The following SWT1 variants were observed in gnomAD, a reference collection of about 807,000 sequenced individuals.
The protein encoded by SWT1 is SWT1 RNA endoribonuclease homolog.
SWT1 carries 33 observed loss-of-function variants against 107.3 expected under a neutral mutation model. The observed-to-expected ratio is 0.31, with a 90% CI of 0.23 to 0.41. The LOEUF is 0.41. SWT1 is among the 10% of genes least tolerant of loss of function. SWT1 has a pLI of 1.00. For synonymous variants in SWT1, 345 were observed against 348.3 expected, an observed-to-expected ratio of 0.99 and a Z score of 0.11; for missense variants, 898 against 1,028.9, an observed-to-expected ratio of 0.87 and a Z score of 1.74.
chr1:185,249,969 C>T (rs538170550), intron 16 of SWT1, among the ~76,000 whole-genome samples: 10 of 152,202 alleles, frequency 6.6e-5, no homozygotes, highest in South Asian at 2.1e-4. Context: ...AGTGGTAGTA[C>T]TTTTACCAGA....
intron 14 of SWT1, among the ~76,000 whole-genome samples, chr1:185,221,436 A>G (rs74923177): frequency 0.011 from 1,738 of 151,898 alleles, 26 homozygotes; most frequent in African/African-American, 0.04. Flanking sequence ...TTTAAATTAT[A>G]TCTTGATTTT....
chr1:185,272,329 C>T (rs915895045), intron 17 of SWT1, among the ~76,000 whole-genome samples: 3 of 152,132 alleles, frequency 2.0e-5, no homozygotes, highest in African/African-American at 7.2e-5. Flanking sequence ...GTTTATGTTT[C>T]CTGTAATAGT....
intron 5 of SWT1, 93 bp downstream of exon 5, chr1:185,175,206 T>G: frequency 1.9e-6 from 2 of 1,076,172 alleles, no homozygotes; most frequent in Non-Finnish European, 2.5e-6. Flanking sequence ...TTTTCTGTTT[T>G]TTTTTTTTTT....
At chr1:185,184,485 A>G (rs775752374) in intron 8 of SWT1, 141 bp downstream of exon 8, 255 of 631,408 alleles carry the variant, frequency 4.0e-4, no homozygotes, top group Non-Finnish European at 6.0e-4. Context: ...TTATAAGTTT[A>G]TAAAAGCCTT....
intron 16 of SWT1, among the ~76,000 whole-genome samples, chr1:185,233,538 T>C (rs1013116252): frequency 6.6e-6 from 1 of 152,182 alleles, no homozygotes; most frequent in African/African-American, 2.4e-5. Flanking sequence ...ATATCTTTAT[T>C]TCTGCCTTCA....
chr1:185,255,924 G>C (rs1453044924), intron 16 of SWT1, among the ~76,000 whole-genome samples: 1 of 151,774 alleles, frequency 6.6e-6, no homozygotes, highest in Non-Finnish European at 1.5e-5. Context: ...GGTACCGGTT[G>C]TTCGTTTCCA....
chr1:185,266,286 G>A lies in SWT1; in HGVS notation c.2442-5037G>A, dbSNP rs954575464. On this transcript the variant is annotated intron_variant, in intron 16 of 18. Coordinates refer to ENST00000367500, the MANE Select transcript of SWT1 (RefSeq NM_017673.7). ...TCACCGTGTTAGCCAGGATGGTCTCGATCTCCTGACCTCGTGATCTGCCCG... is the reference window on the plus strand; with the variant it reads ...TCACCGTGTTAGCCAGGATGGTCTCAATCTCCTGACCTCGTGATCTGCCCG... Among the ~76,000 whole-genome samples, 10 of 152,144 alleles carry A rather than the reference G, an allele frequency of 6.6e-5. No individual in the cohort carries two copies. In the East Asian group the frequency reaches 9.6e-4, roughly 15 times the overall value.
At chr1:185,263,029 C>G (rs1287153985) in intron 16 of SWT1, among the ~76,000 whole-genome samples, 3 of 152,032 alleles carry the variant, frequency 2.0e-5, no homozygotes, top group Non-Finnish European at 4.4e-5. Context: ...TCAAGTGATT[C>G]ACCCGCCTCA....
chr1:185,251,861 G>C (rs1156875179), intron 16 of SWT1, among the ~76,000 whole-genome samples: 1 of 151,736 alleles, frequency 6.6e-6, no homozygotes, highest in Non-Finnish European at 1.5e-5. Context: ...AGTTACATAT[G>C]TATACATGTG....
chr1:185,174,592 A>G lies in SWT1; in HGVS notation c.445A>G (p.Lys149Glu), dbSNP rs752865732. 6.2e-7 allele frequency: 1 copy of G among 1,607,648 alleles called. No homozygotes were observed. The highest frequency in any genetic ancestry group is 8.5e-7 in the Non-Finnish European group (1 of 1,178,446). Residue 149 changes from lysine (K) to glutamate (E), a missense_variant, in exon 5 of 19, where the codon AAA (lysine) becomes GAA (glutamate). Around this residue, in one of 6 missense-constraint regions of SWT1, gnomAD observed 382 missense variants for 362.4 expected, o/e 1.05. Coordinates refer to ENST00000367500, the MANE Select transcript of SWT1 (RefSeq NM_017673.7). ...NAGSKLDHGI[K>E]SLSSPKIASD... ...TGGGAGCAAGCTTGACCATGGAATTAAAAGCCTTAGTAGTCCTAAGATTGC... is the reference window on the plus strand; with the variant it reads ...TGGGAGCAAGCTTGACCATGGAATTGAAAGCCTTAGTAGTCCTAAGATTGC...
intron 16 of SWT1, among the ~76,000 whole-genome samples, chr1:185,269,064 G>A (rs1183085937): frequency 6.6e-6 from 1 of 152,082 alleles, no homozygotes; most frequent in East Asian, 1.9e-4. Flanking sequence ...GTGTTAGCCA[G>A]GATGGTCTCG....
chr1:185,228,064 C>G lies in SWT1; in HGVS notation c.2310-3513C>G, dbSNP rs972515999. Among the ~76,000 whole-genome samples the G allele has an allele frequency of 3.3e-5, 5 of 151,332 alleles. 1 individual carries two copies. The highest frequency in any genetic ancestry group is 1.2e-4 in the African/African-American group (5 of 41,096). On this transcript the variant is annotated intron_variant, in intron 15 of 18. Transcript: ENST00000367500. ...TGTAATTATGCCATTGCACTCCAGC[C>G]TGGGTGACAGAGTGAGACCCTATCT...
chr1:185,176,545 T>G, intron 5 of SWT1: 1 of 975,258 alleles, frequency 1.0e-6, no homozygotes, highest in African/African-American at 1.8e-5. Flanking sequence ...CTCTATAATT[T>G]TGTTTCTATG....
At chr1:185,282,470 A>G (rs913569286) in intron 18 of SWT1, among the ~76,000 whole-genome samples, 4 of 152,066 alleles carry the variant, frequency 2.6e-5, no homozygotes, top group African/African-American at 9.7e-5. Context: ...CAGAGAAGGC[A>G]TGGAAGCTCC....
chr1:185,202,643 C>G lies in SWT1; in HGVS notation c.1524-11C>G. On this transcript the variant is annotated splice_polypyrimidine_tract_variant and intron_variant, in intron 10 of 18. Coordinates refer to ENST00000367500, the MANE Select transcript of SWT1 (RefSeq NM_017673.7). ...TATTTTTTCCTCCTAATCCCAACCT[C>G]CCAACCTTAGGGATGATAGAAACTT... 4.4e-6 allele frequency: 7 copies of G among 1,601,128 alleles called. No homozygotes were observed. Among genetic ancestry groups the G allele is most frequent in the Non-Finnish European group, 6.0e-6 (7 of 1,174,856 alleles).
intron 10 of SWT1, among the ~76,000 whole-genome samples, chr1:185,198,597 T>G (rs1397400671): frequency 6.6e-6 from 1 of 152,158 alleles, no homozygotes; most frequent in Non-Finnish European, 1.5e-5. Context: ...AGAACTTGCT[T>G]TATGAATCTG....
At chr1:185,233,379 T>C (rs969680981) in intron 16 of SWT1, among the ~76,000 whole-genome samples, 3 of 152,240 alleles carry the variant, frequency 2.0e-5, no homozygotes, top group Non-Finnish European at 4.4e-5. Flanking sequence ...TCTACTTCTT[T>C]TAATTGTGAT....
At chr1:185,270,148 C>T (rs1421856974) in intron 16 of SWT1, among the ~76,000 whole-genome samples, 1 of 152,110 alleles carries the variant, frequency 6.6e-6, no homozygotes, top group Non-Finnish European at 1.5e-5. Flanking sequence ...GTTATCCTAA[C>T]TTAACAGATA....
rs1664258997 is a variant in SWT1, at chr1:185,276,646, T to A, written c.2551T>A (p.Cys851Ser). Residue 851 changes from cysteine (C) to serine (S), a missense_variant, in exon 18 of 19, where the codon TGT becomes AGT. Cys to Ser is a moderately radical substitution (Grantham distance 112). Coordinates refer to ENST00000367500, the MANE Select transcript of SWT1 (RefSeq NM_017673.7). Reference protein sequence around the residue: ...VKFTAQEIYDCVSQTEYREKL... With the variant: ...VKFTAQEIYDSVSQTEYREKL... ...ATTTACTGCCCAGGAAATTTATGAT[T>A]GTGTTTCTCAGACTGAGTATAGGTA... 1 of 1,585,834 alleles carries A rather than the reference T, an allele frequency of 6.3e-7. No homozygotes were observed. Among genetic ancestry groups the A allele is most frequent in the African/African-American group, 1.3e-5 (1 of 74,194 alleles).
Sources: gnomAD v4.1 joint callset for allele counts (sites outside exome capture counted in the v4.1 genomes callset) on GRCh38, gnomAD v4.1.1 for gene constraint, gnomAD v4.1.1 regional missense constraint, MANE v1.5 for transcripts, NCBI Gene and HGNC (gene_info 2026-07-23, HGNC 2026-07-21) for gene names.